The following TLN2 variants were observed in gnomAD, a reference collection of about 807,000 sequenced individuals.
The protein encoded by TLN2 is talin-2.
In TLN2, 118 loss-of-function variants were observed where a neutral mutation model predicts 294.7. The ratio of observed to expected loss-of-function variants is 0.40; its 90% CI spans 0.34 to 0.47. The LOEUF (loss-of-function observed/expected upper bound fraction) is 0.47, where lower values mean the gene tolerates loss of function less well. Among genes scored for constraint, TLN2 ranks in the 20% least tolerant of loss-of-function variants. TLN2 has a pLI of 0.84. For synonymous variants in TLN2, 1,431 were observed against 1,304.5 expected, an observed-to-expected ratio of 1.10 and a Z score of -2.09; for missense variants, 3,083 against 3,282.2, an observed-to-expected ratio of 0.94 and a Z score of 1.48.
Position 62,805,775 on chromosome 15 carries a change from C to T in TLN2, c.6653C>T (p.Thr2218Met), listed in dbSNP as rs759956625. 1.4e-5 allele frequency: 22 copies of T among 1,612,970 alleles called. No homozygotes were observed. The East Asian group carries it at 2.2e-4, about 16-fold the overall frequency. ...CGGAAAGCCGTGTCAGATATGTTGA[C>T]GGCTTGCAAGGTAAAGAGCTTGGCA... ...LSRKAVSDMLTACKQASFHPD... is the reference protein window; with the variant it reads ...LSRKAVSDMLMACKQASFHPD... Residue 2218 changes from threonine (T) to methionine (M), a missense_variant, in exon 51 of 59, where the codon ACG (threonine) becomes ATG (methionine). Coordinates refer to ENST00000636159, the MANE Select transcript of TLN2 (RefSeq NM_015059.3).
At chr15:62,461,794 A>G (rs2036822273) in intron 1 of TLN2, among the ~76,000 whole-genome samples, 1 of 152,210 alleles carries the variant, frequency 6.6e-6, no homozygotes, top group African/African-American at 2.4e-5. Context: ...GCACAGGAGC[A>G]CTCACAGAAA....
chr15:62,414,043 C>T (rs1188014915), intron 1 of TLN2, among the ~76,000 whole-genome samples: 1 of 135,026 alleles, frequency 7.4e-6, no homozygotes, highest in Non-Finnish European at 1.6e-5. Flanking sequence ...GAGCTAGAGG[C>T]CAAGTGCACT....
At chr15:62,646,245 C>G (rs912129122) in intron 3 of TLN2, among the ~76,000 whole-genome samples, 8 of 151,950 alleles carry the variant, frequency 5.3e-5, no homozygotes, top group African/African-American at 1.7e-4. Flanking sequence ...TCACTGCAAC[C>G]TCTGTCTCCC....
chr15:62,392,703 G>A (rs1049245204), intron 1 of TLN2, among the ~76,000 whole-genome samples: 12 of 152,084 alleles, frequency 7.9e-5, no homozygotes, highest in Admixed American at 3.3e-4. Flanking sequence ...CGGCACTTCC[G>A]GTCTTCTTCA....
chr15:62,578,561 G>A (rs1199472031), intron 1 of TLN2, among the ~76,000 whole-genome samples: 2 of 152,062 alleles, frequency 1.3e-5, no homozygotes, highest in African/African-American at 4.8e-5. Flanking sequence ...ACAAGACTCC[G>A]TCTCAAAACA....
chr15:62,477,902 AG>A (rs1302800587), intron 1 of TLN2, among the ~76,000 whole-genome samples: 36 of 6,312 alleles, frequency 5.7e-3, no homozygotes, highest in Admixed American at 0.01. Context: ...GGGGGGATGG[AG>A]GGGGGGGTGC....
At chr15:62,703,196 G>A (rs991557528) in intron 19 of TLN2, among the ~76,000 whole-genome samples, 5 of 151,584 alleles carry the variant, frequency 3.3e-5, no homozygotes, top group Admixed American at 6.6e-5. Flanking sequence ...TCCATCTCCC[G>A]GGTTCAAGCA....
At chr15:62,522,040 C>T (rs78097874) in intron 1 of TLN2, among the ~76,000 whole-genome samples, 7,818 of 152,166 alleles carry the variant, frequency 0.051, 347 homozygotes, top group African/African-American at 0.12. Flanking sequence ...TGTCCAACTT[C>T]CCTTCCCATC....
At chr15:62,694,818 C>T (rs116435877) in intron 14 of TLN2, among the ~76,000 whole-genome samples, 3,932 of 152,182 alleles carry the variant, frequency 0.026, 171 homozygotes, top group African/African-American at 0.09. Flanking sequence ...TGCTGCATGC[C>T]ACGCTTGTCT....
intron 23 of TLN2, among the ~76,000 whole-genome samples, chr15:62,716,967 GACAAATGC>G (rs2059818550): frequency 6.6e-6 from 1 of 151,038 alleles, no homozygotes; most frequent in East Asian, 1.9e-4. Context: ...AAGTTTGTCT[GACAAATGC>G]ACACAGGAGA....
At chr15:62,804,760 C>G (rs969206105) in intron 50 of TLN2, among the ~76,000 whole-genome samples, 31 of 152,146 alleles carry the variant, frequency 2.0e-4, no homozygotes, top group Admixed American at 9.2e-4. Flanking sequence ...GGTTGGCATT[C>G]TATGGGATGC....
intron 3 of TLN2, chr15:62,640,261 C>A (rs1252186195): frequency 2.2e-6 from 1 of 455,978 alleles, no homozygotes; most frequent in South Asian, 1.5e-5. Context: ...CTGAATCATT[C>A]CTGGGAGATT....
chr15:62,664,878 A>AAAAAAAAAAAAAAAAT (rs2054391831), intron 9 of TLN2, among the ~76,000 whole-genome samples: 3 of 145,868 alleles, frequency 2.1e-5, no homozygotes, highest in Non-Finnish European at 3.0e-5. Flanking sequence ...AAAAAAAAAA[A>AAAAAAAAAAAAAAAAT]GTGGCTACCT....
At chr15:62,564,559 T>A (rs2043227454) in intron 1 of TLN2, among the ~76,000 whole-genome samples, 1 of 152,142 alleles carries the variant, frequency 6.6e-6, no homozygotes, top group Admixed American at 6.5e-5. Context: ...CTTACAGATT[T>A]TACTTTTGTG....
At chr15:62,492,117 A>G (rs2038765076) in intron 1 of TLN2, among the ~76,000 whole-genome samples, 1 of 152,060 alleles carries the variant, frequency 6.6e-6, no homozygotes, top group African/African-American at 2.4e-5. Context: ...TAAATAATAT[A>G]TGCTATTATA....
At chr15:62,764,886 G>A (rs2141029950) in intron 40 of TLN2, among the ~76,000 whole-genome samples, 1 of 151,242 alleles carries the variant, frequency 6.6e-6, no homozygotes. Context: ...AGAATTGCTT[G>A]AATGTGGGAG....
chr15:62,592,666 T>G (rs940933759), intron 2 of TLN2, among the ~76,000 whole-genome samples: 2 of 152,240 alleles, frequency 1.3e-5, no homozygotes, highest in Non-Finnish European at 2.9e-5. Flanking sequence ...TGAATAAAAG[T>G]TAATGAATGA....
At position 62,604,694 on chromosome 15, in the gene TLN2, C is replaced by CT. The variant is rs59233796; in HGVS notation, c.-161-13641dup. The stretch of plus-strand genomic sequence containing the variant: ...AAAGTGGATTTCTTCTCTTCGTCTT[C>CT]TTTTTTTTTTTTTTTTAATTATTTG... On this transcript the variant is annotated intron_variant, in intron 2 of 58. Transcript: ENST00000636159. Among the ~76,000 whole-genome samples the CT allele has an allele frequency of 2.2e-3, 308 of 137,734 alleles. 2 individuals carry two copies. Among genetic ancestry groups the CT allele is most frequent in the Middle Eastern group, 3.8e-3 (1 of 266 alleles). The allele number at this position is 137,734 out of a possible 152,430, so 90.4% of individuals were successfully genotyped here.
Position 62,686,847 on chromosome 15 carries a change from T to G in TLN2, c.1113+51T>G, listed in dbSNP as rs751444528. On this transcript the variant is annotated intron_variant, in intron 12 of 58. Transcript: ENST00000636159. ...AGCACTAGCGTGGCCTTGAGTGATATTGTGGGGACAGGAGAAAGACCAGAT... is the reference window on the plus strand; with the variant it reads ...AGCACTAGCGTGGCCTTGAGTGATAGTGTGGGGACAGGAGAAAGACCAGAT... 5.6e-6 allele frequency: 9 copies of G among 1,600,364 alleles called. No individual in the cohort carries two copies. In the Admixed American group the frequency reaches 1.5e-4, roughly 27 times the overall value.
Sources: gnomAD v4.1 joint callset for allele counts (sites outside exome capture counted in the v4.1 genomes callset) on GRCh38, gnomAD v4.1.1 for gene constraint, MANE v1.5 for transcripts, NCBI Gene and HGNC (gene_info 2026-07-23, HGNC 2026-07-21) for gene names.